EPHB1: variants seen among roughly 807,000 people sequenced by gnomAD.
The protein encoded by EPHB1 is ephrin type-B receptor 1.
EPHB1 carries 30 observed loss-of-function variants against 94.4 expected under a neutral mutation model. That is an observed-to-expected ratio of 0.32 (90% confidence interval 0.24 to 0.43). EPHB1 has a LOEUF of 0.43. EPHB1 is among the 20% of genes least tolerant of loss of function. EPHB1 has a pLI of 1.00. For missense variants in EPHB1, 1,055 were observed against 1,308.3 expected (o/e 0.81, Z 2.99); for synonymous variants, 522 against 489.1 (o/e 1.07, Z -0.89).
chr3:135,077,327 T>G (rs1172347134), intron 3 of EPHB1, among the ~76,000 whole-genome samples: 1 of 152,166 alleles, frequency 6.6e-6, no homozygotes, highest in Non-Finnish European at 1.5e-5. Context: ...GCTCCCAGGT[T>G]TGTTCTCTCT....
chr3:134,898,938 C>T (rs1051467236), intron 1 of EPHB1, among the ~76,000 whole-genome samples: 8 of 152,188 alleles, frequency 5.3e-5, no homozygotes, highest in African/African-American at 1.7e-4. Flanking sequence ...TTCAGAAGAC[C>T]TCTGCAGCCT....
Position 135,139,988 on chromosome 3 carries a change from G to T in EPHB1, c.1297+6939G>T, listed in dbSNP as rs143342167. On this transcript the variant is annotated intron_variant, in intron 5 of 15. Coordinates refer to ENST00000398015, the MANE Select transcript of EPHB1 (RefSeq NM_004441.5). Reference sequence around the variant, plus strand: ...ATAGCTCCAGAACAGCCTTCACTCTGCTAGGAGTACCAGAGTGCCCACAGG... The same window carrying T: ...ATAGCTCCAGAACAGCCTTCACTCTTCTAGGAGTACCAGAGTGCCCACAGG... Among the ~76,000 whole-genome samples, 4 of 152,254 alleles carry T rather than the reference G, an allele frequency of 2.6e-5. No homozygotes were observed. In the East Asian group the frequency reaches 7.7e-4, roughly 29 times the overall value.
intron 5 of EPHB1, among the ~76,000 whole-genome samples, chr3:135,153,671 G>C (rs1010239357): frequency 6.6e-5 from 10 of 152,128 alleles, no homozygotes; most frequent in Admixed American, 1.3e-4. Context: ...TTGCTAGAAT[G>C]CTCCTTTCTG....
At chr3:134,873,246 T>A (rs1299069410) in intron 1 of EPHB1, among the ~76,000 whole-genome samples, 6 of 152,176 alleles carry the variant, frequency 3.9e-5, no homozygotes, top group African/African-American at 1.4e-4. Flanking sequence ...AGGCAGTGAT[T>A]CCTCTGTGTT....
intron 9 of EPHB1, among the ~76,000 whole-genome samples, chr3:135,169,151 T>C (rs1289572002): frequency 6.6e-6 from 1 of 152,156 alleles, no homozygotes; most frequent in Non-Finnish European, 1.5e-5. Context: ...TGGGGGACTC[T>C]GTTACCTCTC....
chr3:135,043,151 T>C lies in EPHB1; in HGVS notation c.806-63297T>C, dbSNP rs143412204. On this transcript the variant is annotated intron_variant, in intron 3 of 15. Transcript: ENST00000398015. Reference sequence around the variant, plus strand: ...GCCATTGTGCCTGGCTCTTAAAGTATTTAAACAGCTCCCTATATCAAACTG... The same window carrying C: ...GCCATTGTGCCTGGCTCTTAAAGTACTTAAACAGCTCCCTATATCAAACTG... Among the ~76,000 whole-genome samples the C allele has an allele frequency of 1.6e-3, 236 of 152,176 alleles. 1 individual carries two copies. Among genetic ancestry groups the C allele is most frequent in the African/African-American group, 5.5e-3 (228 of 41,510 alleles).
intron 1 of EPHB1, among the ~76,000 whole-genome samples, chr3:134,823,055 C>T (rs2036411744): frequency 6.6e-6 from 1 of 152,214 alleles, no homozygotes; most frequent in Non-Finnish European, 1.5e-5. Flanking sequence ...TACAGGACCA[C>T]CCAGCCTACT....
chr3:134,976,733 G>C (rs1295786208), intron 3 of EPHB1, among the ~76,000 whole-genome samples: 1 of 151,946 alleles, frequency 6.6e-6, no homozygotes, highest in East Asian at 1.9e-4. Context: ...AGTGCTTATG[G>C]GGTTAAAAAA....
Position 135,241,629 on chromosome 3 carries a change from G to A in EPHB1, c.2496+332G>A, listed in dbSNP as rs866297031. The stretch of plus-strand genomic sequence containing the variant: ...AGTAAAGTCTACCCTGCTTCTAAGT[G>A]TTCAGGTTCTGTGTTTTCCTTCCCT... On this transcript the variant is annotated intron_variant, in intron 13 of 15. Transcript: ENST00000398015. Among the ~76,000 whole-genome samples the A allele has an allele frequency of 8.5e-5, 13 of 152,262 alleles. No individual in the cohort carries two copies. In the South Asian group the frequency reaches 1.2e-3, roughly 15 times the overall value.
chr3:134,980,976 G>C (rs1280724177), intron 3 of EPHB1, among the ~76,000 whole-genome samples: 1 of 152,142 alleles, frequency 6.6e-6, no homozygotes, highest in African/African-American at 2.4e-5. Context: ...TTATCCATGA[G>C]CTCAACAGGT....
At chr3:134,985,605 T>G (rs1934569040) in intron 3 of EPHB1, among the ~76,000 whole-genome samples, 1 of 152,234 alleles carries the variant, frequency 6.6e-6, no homozygotes, top group South Asian at 2.1e-4. Context: ...TACTTGTGCC[T>G]CAGTTTCCTC....
At chr3:134,866,434 C>T (rs1367360579) in intron 1 of EPHB1, among the ~76,000 whole-genome samples, 2 of 152,176 alleles carry the variant, frequency 1.3e-5, no homozygotes, top group Non-Finnish European at 2.9e-5. Flanking sequence ...AAAGGCCATG[C>T]CCACTTCTGT....
intron 15 of EPHB1, among the ~76,000 whole-genome samples, chr3:135,258,566 G>GA (rs2107736110): frequency 6.6e-6 from 1 of 152,272 alleles, no homozygotes; most frequent in Non-Finnish European, 1.5e-5. Context: ...AAACTCAGGG[G>GA]AAAACATCAG....
In EPHB1 at chr3:135,118,527, G is replaced by A. The variant is rs555359707; in HGVS notation, c.961+11924G>A. ...TCCACCTTATTGAGCAGCAAAGCCCGTATTTCCTTCTACGCCTGACAAGGT... is the reference window on the plus strand; with the variant it reads ...TCCACCTTATTGAGCAGCAAAGCCCATATTTCCTTCTACGCCTGACAAGGT... On this transcript the variant is annotated intron_variant, in intron 4 of 15. Transcript: ENST00000398015. Among the ~76,000 whole-genome samples, 8 of 152,262 alleles carry A rather than the reference G, an allele frequency of 5.3e-5. No homozygotes were observed. In the South Asian group the frequency reaches 6.2e-4, roughly 12 times the overall value.
Position 135,178,180 on chromosome 3 carries a change from G to T in EPHB1, c.1760-1680G>T, listed in dbSNP as rs117817288. 3.3e-3 allele frequency among the ~76,000 whole-genome samples: 496 copies of T among 149,586 alleles called. 17 individuals are homozygous for T. In the East Asian group the frequency reaches 0.058, roughly 17 times the overall value. ...AAAAAATAATCCCCTCAGGCCAGGC[G>T]TGGTGACTCACACCTGTAATCCCAG... is the stretch of plus-strand genomic sequence containing the variant. On this transcript the variant is annotated intron_variant, in intron 9 of 15. Transcript: ENST00000398015.
chr3:135,086,607 A>G (rs1938371651), intron 3 of EPHB1, among the ~76,000 whole-genome samples: 1 of 151,910 alleles, frequency 6.6e-6, no homozygotes, highest in Non-Finnish European at 1.5e-5. Context: ...TTGCCTACCT[A>G]GTAAACTATG....
At chr3:135,232,998 T>C (rs921390388) in intron 12 of EPHB1, among the ~76,000 whole-genome samples, 1 of 152,208 alleles carries the variant, frequency 6.6e-6, no homozygotes, top group Non-Finnish European at 1.5e-5. Context: ...ACAGGGATCA[T>C]GGGAACTACA....
intron 1 of EPHB1, among the ~76,000 whole-genome samples, chr3:134,920,881 A>G (rs2038670879): frequency 6.6e-6 from 1 of 151,342 alleles, no homozygotes; most frequent in African/African-American, 2.4e-5. Flanking sequence ...TGAAGCCTCT[A>G]CAGGGAAGTG....
chr3:135,069,468 G>A (rs1420670662), intron 3 of EPHB1, among the ~76,000 whole-genome samples: 1 of 152,128 alleles, frequency 6.6e-6, no homozygotes, highest in African/African-American at 2.4e-5. Flanking sequence ...ACTGATGGGA[G>A]CTGTCCTAGG....
Sources: gnomAD v4.1 joint callset for allele counts (sites outside exome capture counted in the v4.1 genomes callset) on GRCh38, gnomAD v4.1.1 for gene constraint, MANE v1.5 for transcripts, NCBI Gene and HGNC (gene_info 2026-07-23, HGNC 2026-07-21) for gene names.